Variants in CTNNA2 observed in about 807,000 individuals in gnomAD.
The protein encoded by CTNNA2 is catenin alpha-2.
Under a neutral mutation model 101.0 loss-of-function variants are expected in CTNNA2, and 42 were observed. That is an observed-to-expected ratio of 0.42 (90% CI 0.32 to 0.54). The LOEUF is 0.54. Ranked by LOEUF, CTNNA2 falls within the 20% of genes least tolerant of loss-of-function variation. The pLI is 0.14. For synonymous variants in CTNNA2, 450 were observed against 456.4 expected, an observed-to-expected ratio of 0.99 and a Z score of 0.18; for missense variants, 871 against 1,223.1, an observed-to-expected ratio of 0.71 and a Z score of 4.29.
chr2:80,414,913 G>A (rs550282606), intron 8 of CTNNA2, among the ~76,000 whole-genome samples: 14 of 152,278 alleles, frequency 9.2e-5, no homozygotes, highest in African/African-American at 3.1e-4. Context: ...GTTAAAAGCA[G>A]GTCTGGATGG....
chr2:79,340,758 C>G (rs557022581), intron 3 of CTNNA2, among the ~76,000 whole-genome samples: 1 of 134,970 alleles, frequency 7.4e-6, no homozygotes, highest in Non-Finnish European at 1.5e-5. Flanking sequence ...GGCCTGAACC[C>G]GGGAGGCGGA....
chr2:80,401,909 G>C (rs1352449434), intron 8 of CTNNA2, among the ~76,000 whole-genome samples: 1 of 152,126 alleles, frequency 6.6e-6, no homozygotes, highest in South Asian at 2.1e-4. Flanking sequence ...GACACCAGCT[G>C]TCTGTCCTAT....
chr2:80,048,310 A>G (rs1696658975), intron 7 of CTNNA2, among the ~76,000 whole-genome samples: 2 of 152,224 alleles, frequency 1.3e-5, no homozygotes, highest in Non-Finnish European at 2.9e-5. Flanking sequence ...GCCTTAAGAG[A>G]AAGTGGAAGA....
At chr2:80,367,559 C>T (rs912451116) in intron 7 of CTNNA2, among the ~76,000 whole-genome samples, 1 of 151,858 alleles carries the variant, frequency 6.6e-6, no homozygotes, top group Non-Finnish European at 1.5e-5. Context: ...CCAGCAGCTA[C>T]CCTATGACCA....
chr2:80,589,187 A>AG, intron 14 of CTNNA2, 117 bp from the exon 15 acceptor site: 1 of 994,130 alleles, frequency 1.0e-6, no homozygotes, highest in Non-Finnish European at 1.5e-6. Flanking sequence ...CCGGAATGGC[A>AG]GGGTAGCTCA....
intron 4 of CTNNA2, among the ~76,000 whole-genome samples, chr2:79,495,061 C>T (rs1370828745): frequency 6.6e-6 from 1 of 152,092 alleles, no homozygotes; most frequent in East Asian, 1.9e-4. Flanking sequence ...CGAGATTGCG[C>T]CACTGCACTC....
intron 7 of CTNNA2, among the ~76,000 whole-genome samples, chr2:80,351,933 T>C (rs1399850262): frequency 6.6e-6 from 1 of 152,130 alleles, no homozygotes; most frequent in African/African-American, 2.4e-5. Context: ...AATTTTATAG[T>C]TGGGGAAAGT....
chr2:79,744,657 T>C (rs1671513529), intron 3 of CTNNA2, 75 bp downstream of exon 3: 1 of 1,352,176 alleles, frequency 7.4e-7, no homozygotes, highest in Non-Finnish European at 1.0e-6. Flanking sequence ...TTAGAATCAA[T>C]GGATATTTAC....
At chr2:80,604,651 T>A (rs747355497) in intron 16 of CTNNA2, among the ~76,000 whole-genome samples, 2 of 152,008 alleles carry the variant, frequency 1.3e-5, no homozygotes, top group African/African-American at 2.4e-5. Context: ...TTTACTTTTA[T>A]TTTCTGTTGC....
upstream of CTNNA2, among the ~76,000 whole-genome samples, chr2:79,509,626 A>C: frequency 6.6e-6 from 1 of 152,194 alleles, no homozygotes; most frequent in East Asian, 1.9e-4. Flanking sequence ...AATAGACAGA[A>C]CACAGAGTAT....
chr2:79,325,771 A>G (rs776443908), intron 3 of CTNNA2, among the ~76,000 whole-genome samples: 6 of 152,110 alleles, frequency 3.9e-5, no homozygotes, highest in Non-Finnish European at 7.3e-5. Flanking sequence ...TCATCACAAC[A>G]CTTATCATAC....
At chr2:79,316,464 G>A (rs115716606) in intron 3 of CTNNA2, among the ~76,000 whole-genome samples, 73 of 152,018 alleles carry the variant, frequency 4.8e-4, no homozygotes, top group African/African-American at 1.6e-3. Flanking sequence ...AATTTCTTCC[G>A]AAATGGAAGC....
chr2:79,247,805 C>A (rs2104266847), intron 2 of CTNNA2, among the ~76,000 whole-genome samples: 1 of 152,188 alleles, frequency 6.6e-6, no homozygotes, highest in East Asian at 1.9e-4. Flanking sequence ...TCTGAAGATG[C>A]CATGTTGATG....
intron 7 of CTNNA2, among the ~76,000 whole-genome samples, chr2:80,137,411 A>C (rs867775454): frequency 4.6e-5 from 7 of 152,162 alleles, no homozygotes; most frequent in South Asian, 2.1e-4. Context: ...AGGTGGTAAT[A>C]AAATACCTGA....
intron 1 of CTNNA2, among the ~76,000 whole-genome samples, chr2:79,563,161 G>GTGTATATATATATATATATATA (rs1280707294): frequency 2.5e-5 from 2 of 78,620 alleles, no homozygotes; most frequent in African/African-American, 4.7e-5. Flanking sequence ...ATAAAGATGT[G>GTGTATATATATATATATATATA]TATATATATA....
At chr2:80,066,975 A>G in intron 7 of CTNNA2, among the ~76,000 whole-genome samples, 1 of 152,194 alleles carries the variant, frequency 6.6e-6, no homozygotes, top group Non-Finnish European at 1.5e-5. Flanking sequence ...GTTAAGTGAA[A>G]TAAGCCAGGC....
intron 8 of CTNNA2, among the ~76,000 whole-genome samples, chr2:80,406,026 AG>A (rs1679019370): frequency 6.6e-6 from 1 of 152,198 alleles, no homozygotes; most frequent in African/African-American, 2.4e-5. Flanking sequence ...CTACACTATG[AG>A]TTGCAACTAT....
chr2:79,976,599 A>C (rs1428550311), intron 7 of CTNNA2, among the ~76,000 whole-genome samples: 1 of 152,322 alleles, frequency 6.6e-6, no homozygotes, highest in East Asian at 1.9e-4. Context: ...AAAGAATTTT[A>C]AGGGCTTTTG....
At chr2:80,568,737 C>T (rs114962562) in intron 12 of CTNNA2, among the ~76,000 whole-genome samples, 11 of 152,174 alleles carry the variant, frequency 7.2e-5, no homozygotes, top group African/African-American at 2.4e-4. Flanking sequence ...GGGCCAAAGA[C>T]GAGTATGTAC....
Sources: allele counts gnomAD v4.1 joint callset (sites outside exome capture counted in the v4.1 genomes callset), GRCh38; gene constraint gnomAD v4.1.1; transcripts MANE v1.5; gene names NCBI Gene and HGNC (gene_info 2026-07-23, HGNC 2026-07-21).